Variants in MMP26 observed in about 807,000 individuals in gnomAD.
MMP26 encodes the protein matrix metallopeptidase 26, also known as matrix metalloproteinase-26.
A neutral mutation model predicts 31.0 loss-of-function variants in MMP26; 33 were observed. The observed-to-expected ratio is 1.06, with a 90% CI of 0.81 to 1.42. The LOEUF is 1.42. Among genes scored for constraint, MMP26 ranks in the 40% most tolerant of loss-of-function variants. The probability of loss-of-function intolerance (pLI) is 0.00; values close to 1 mark genes in which losing one functional copy is unlikely to be tolerated. For missense variants in MMP26, 347 were observed against 316.1 expected (o/e 1.10, Z -0.74); for synonymous variants, 122 against 114.9 (o/e 1.06, Z -0.40).
At chr11:4,707,903 T>G (rs1254493861) in intron 1 of MMP26, among the ~76,000 whole-genome samples, 5 of 152,206 alleles carry the variant, frequency 3.3e-5, no homozygotes, top group Non-Finnish European at 7.3e-5. Context: ...GAGTCATTTT[T>G]GCCTTAGTGG....
chr11:4,928,887 C>A (rs1337658053), intron 2 of MMP26, among the ~76,000 whole-genome samples: 1 of 152,194 alleles, frequency 6.6e-6, no homozygotes. Flanking sequence ...AAAAAGAGAG[C>A]AGGCAGGGCC....
rs138449138 is a variant in MMP26 at position 4,951,160 on chromosome 11, T to C, written c.-144-36908T>C. 6.4e-4 allele frequency among the ~76,000 whole-genome samples: 80 copies of C among 125,072 alleles called. 16 individuals are homozygous for C. The highest frequency in any genetic ancestry group is 2.1e-3 in the African/African-American group (76 of 36,974). The allele number at this position is 125,072 out of a possible 152,430, so 82.1% of individuals were successfully genotyped here. ...GGTAAAATTGAATTAGGTATTCTGA[T>C]TTAATTGACTATGATGTTAACCTGA... On this transcript the variant is annotated intron_variant, in intron 2 of 7. Coordinates refer to ENST00000380390, the MANE Select transcript of MMP26 (RefSeq NM_021801.5).
chr11:4,776,753 G>C (rs947693671), intron 2 of MMP26, among the ~76,000 whole-genome samples: 1 of 151,994 alleles, frequency 6.6e-6, no homozygotes, highest in Non-Finnish European at 1.5e-5. Flanking sequence ...CTGCTCCACC[G>C]TGGTAAGACA....
Position 4,953,409 on chromosome 11 carries a change from G to T in MMP26, c.-144-34659G>T, listed in dbSNP as rs1162219608. On this transcript the variant is annotated intron_variant, in intron 2 of 7. Transcript: ENST00000380390. The stretch of plus-strand genomic sequence containing the variant: ...ATACACTTTATTCAAGAAGTAGAAA[G>T]AAATGAAATAAGCACAAAAGTTATC... 2.4e-5 allele frequency among the ~76,000 whole-genome samples: 3 copies of T among 124,236 alleles called. 1 individual carries two copies. The highest frequency in any genetic ancestry group is 5.4e-5 in the Non-Finnish European group (3 of 55,070). The allele number at this position is 124,236 out of a possible 152,430, so 81.5% of individuals were successfully genotyped here.
chr11:4,808,351 G>C (rs558625824), intron 2 of MMP26, among the ~76,000 whole-genome samples: 73 of 152,156 alleles, frequency 4.8e-4, no homozygotes, highest in African/African-American at 1.6e-3. Context: ...AAACATGAAG[G>C]GGGTGTGCAC....
intron 2 of MMP26, among the ~76,000 whole-genome samples, chr11:4,873,159 C>T (rs1022735588): frequency 4.6e-5 from 7 of 152,084 alleles, no homozygotes; most frequent in African/African-American, 1.7e-4. Flanking sequence ...TTCATGAGAT[C>T]TTAAGGAATC....
chr11:4,915,560 G>A (rs1009951836), intron 2 of MMP26: 8 of 1,614,004 alleles, frequency 5.0e-6, no homozygotes, highest in Non-Finnish European at 5.9e-6. Flanking sequence ...GAAGCACAGT[G>A]GGATGGAGAT....
intron 2 of MMP26, among the ~76,000 whole-genome samples, chr11:4,956,844 T>C (rs540517044): frequency 2.5e-4 from 38 of 152,354 alleles, no homozygotes; most frequent in African/African-American, 8.9e-4. Context: ...TCTGAGATTC[T>C]TTGTCTTACA....
chr11:4,754,262 A>G (rs1446764334), intron 1 of MMP26, among the ~76,000 whole-genome samples: 3 of 151,914 alleles, frequency 2.0e-5, no homozygotes, highest in Non-Finnish European at 2.9e-5. Flanking sequence ...TAATAATAAT[A>G]ATGATGATAA....
At chr11:4,943,341 G>A in intron 2 of MMP26, 1 of 345,014 alleles carries the variant, frequency 2.9e-6, no homozygotes, top group South Asian at 2.4e-5. Flanking sequence ...AAGTCTTTCA[G>A]TTTTCTCAGT....
At chr11:4,736,240 T>A (rs1231894564) in intron 1 of MMP26, 1 of 152,084 alleles carries the variant, frequency 6.6e-6, no homozygotes, top group East Asian at 1.9e-4. Flanking sequence ...ATAGGATTCA[T>A]CACTGGTGGA....
At chr11:4,831,160 T>C (rs531277751) in intron 2 of MMP26, among the ~76,000 whole-genome samples, 25 of 152,276 alleles carry the variant, frequency 1.6e-4, no homozygotes, top group African/African-American at 6.0e-4. Flanking sequence ...TCTAGCTGAA[T>C]GCAATCTCCT....
At chr11:4,899,150 T>A (rs1850764955) in intron 2 of MMP26, among the ~76,000 whole-genome samples, 1 of 152,284 alleles carries the variant, frequency 6.6e-6, no homozygotes, top group African/African-American at 2.4e-5. Flanking sequence ...GACTTATCTG[T>A]ATTCCCATAG....
intron 2 of MMP26, chr11:4,946,284 T>C (rs142065273): frequency 2.9e-5 from 46 of 1,613,814 alleles, no homozygotes; most frequent in Non-Finnish European, 3.5e-5. Flanking sequence ...AGAACATTAA[T>C]GAGGGGAGAG....
At chr11:4,982,283 T>C (rs1336652496) in intron 2 of MMP26, among the ~76,000 whole-genome samples, 1 of 152,126 alleles carries the variant, frequency 6.6e-6, no homozygotes, top group African/African-American at 2.4e-5. Flanking sequence ...GAAGTCAGTT[T>C]CTTTATATCA....
chr11:4,804,239 G>A (rs139126807), intron 2 of MMP26: 1 of 1,613,878 alleles, frequency 6.2e-7, no homozygotes, highest in East Asian at 2.2e-5. Context: ...ACATGGAGGA[G>A]AGTGATATTT....
intron 2 of MMP26, among the ~76,000 whole-genome samples, chr11:4,809,408 T>G (rs535678290): frequency 1.3e-5 from 2 of 152,354 alleles, no homozygotes; most frequent in African/African-American, 4.8e-5. Context: ...AGTTTTCACC[T>G]GTCAGACTGG....
At chr11:4,891,932 G>A (rs1407416079) in intron 2 of MMP26, among the ~76,000 whole-genome samples, 1 of 152,060 alleles carries the variant, frequency 6.6e-6, no homozygotes, top group Non-Finnish European at 1.5e-5. Flanking sequence ...CACAAATCCA[G>A]GGCTTTTTCA....
chr11:4,818,380 CATA>C (rs34603922), intron 2 of MMP26, among the ~76,000 whole-genome samples: 15,091 of 152,032 alleles, frequency 0.099, 909 homozygotes, highest in Middle Eastern at 0.17. Context: ...AACATATTAT[CATA>C]ATTGTGCTTA....
Sources: allele counts gnomAD v4.1 joint callset (sites outside exome capture counted in the v4.1 genomes callset), GRCh38; gene constraint gnomAD v4.1.1; transcripts MANE v1.5; gene names NCBI Gene and HGNC (gene_info 2026-07-23, HGNC 2026-07-21).